Variants in ORC2 observed in about 807,000 individuals in gnomAD.
ORC2 encodes origin recognition complex subunit 2.
Under a neutral mutation model 77.7 loss-of-function variants are expected in ORC2, and 37 were observed. The observed-to-expected ratio is 0.48, with a 90% CI of 0.37 to 0.63. The LOEUF is 0.63. Ranked by LOEUF, ORC2 falls within the 20% of genes least tolerant of loss-of-function variation. ORC2 has a pLI of 0.00. For missense variants in ORC2, 557 were observed against 661.9 expected, an observed-to-expected ratio of 0.84 and a Z score of 1.74; for synonymous variants, 201 against 229.5, an observed-to-expected ratio of 0.88 and a Z score of 1.12.
At chr2:200,932,447 C>A (rs927144324) in intron 10 of ORC2, among the ~76,000 whole-genome samples, 1 of 148,408 alleles carries the variant, frequency 6.7e-6, no homozygotes, top group African/African-American at 2.5e-5. Context: ...TCAAGCGATT[C>A]TCCTGCCTCA....
chr2:200,923,688 CT>C (rs1039588970), intron 13 of ORC2, among the ~76,000 whole-genome samples: 50 of 152,224 alleles, frequency 3.3e-4, no homozygotes, highest in African/African-American at 1.2e-3. Flanking sequence ...CCTTCTTGTG[CT>C]TGGGAACACT....
intron 2 of ORC2, among the ~76,000 whole-genome samples, chr2:200,958,484 G>A (rs543087406): frequency 6.6e-6 from 1 of 152,202 alleles, no homozygotes; most frequent in African/African-American, 2.4e-5. Flanking sequence ...GAAAGGGGGT[G>A]GTTAATACAT....
intron 11 of ORC2, among the ~76,000 whole-genome samples, chr2:200,927,709 T>C (rs1575160626): frequency 2.6e-5 from 4 of 151,216 alleles, no homozygotes; most frequent in African/African-American, 9.7e-5. Context: ...ATTAACTAAT[T>C]AATAATAATT....
chr2:200,935,742 A>G lies in ORC2; in HGVS notation c.665T>C (p.Val222Ala). Residue 222 changes from valine to alanine, a missense_variant, in exon 9 of 18, where the codon GTT becomes GCT. Transcript: ENST00000234296. Reference sequence around the variant, plus strand: ...TCTCTTAGAAGGTGTTTCTTTGCCAACAGGAGCTGAAACTACTCTATTCTG... The same window carrying G: ...TCTCTTAGAAGGTGTTTCTTTGCCAGCAGGAGCTGAAACTACTCTATTCTG... ...QAQNRVVSAP[V>A]GKETPSKRMK... The G allele has an allele frequency of 6.2e-7, 1 of 1,613,432 alleles. No homozygotes were observed. The highest frequency in any genetic ancestry group is 8.5e-7 in the Non-Finnish European group (1 of 1,179,790).
chr2:200,951,553 A>C (rs1045390457), intron 4 of ORC2, among the ~76,000 whole-genome samples: 6 of 152,204 alleles, frequency 3.9e-5, no homozygotes, highest in South Asian at 2.1e-4. Flanking sequence ...GATTTTGGCT[A>C]TTCTAATAGG....
intron 6 of ORC2, 96 bp from the exon 7 acceptor site, chr2:200,941,375 G>T: frequency 1.8e-6 from 2 of 1,099,542 alleles, no homozygotes; most frequent in Non-Finnish European, 2.7e-6. Flanking sequence ...AGGCATGGTG[G>T]CTCACATCTG....
chr2:200,944,237 G>A (rs914969222), intron 5 of ORC2, among the ~76,000 whole-genome samples: 2 of 151,614 alleles, frequency 1.3e-5, no homozygotes, highest in Admixed American at 6.6e-5. Flanking sequence ...GCAGTGGTGC[G>A]ATCTCAGCTC....
chr2:200,945,711 T>A lies in ORC2; in HGVS notation c.329-2934A>T, dbSNP rs565301790. Among the ~76,000 whole-genome samples, 47 of 152,356 alleles carry A rather than the reference T, an allele frequency of 3.1e-4. 1 individual carries two copies. The South Asian group carries it at 6.8e-3, about 22-fold the overall frequency. Reference sequence around the variant, plus strand: ...GTCTAATGATAGCTTTAGATTAGTCTATTATCTGGTCCTATCTAACCAATC... The same window carrying A: ...GTCTAATGATAGCTTTAGATTAGTCAATTATCTGGTCCTATCTAACCAATC... On this transcript the variant is annotated intron_variant, in intron 5 of 17. Transcript: ENST00000234296.
At chr2:200,915,844 C>A (rs1453650336) in intron 15 of ORC2, among the ~76,000 whole-genome samples, 1 of 152,042 alleles carries the variant, frequency 6.6e-6, no homozygotes, top group Non-Finnish European at 1.5e-5. Context: ...CAGGTGGACA[C>A]CACCACGCCC....
chr2:200,946,745 C>G (rs1043551300), intron 5 of ORC2, among the ~76,000 whole-genome samples: 1 of 152,108 alleles, frequency 6.6e-6, no homozygotes, highest in African/African-American at 2.4e-5. Flanking sequence ...AATAATTCTC[C>G]TCTTTCTCCA....
chr2:200,921,334 T>C, intron 13 of ORC2, 195 bp from the exon 14 acceptor site: 1 of 317,760 alleles, frequency 3.1e-6, no homozygotes, highest in South Asian at 1.1e-4. Context: ...ATTGTTTTTT[T>C]GGTAGAGACG....
At position 200,922,748 on chromosome 2, in the gene ORC2, C is replaced by G. The variant is rs16835755; in HGVS notation, c.1148-1609G>C. Among the ~76,000 whole-genome samples the G allele has an allele frequency of 5.7e-4, 87 of 152,176 alleles. 1 individual carries two copies. The highest frequency in any genetic ancestry group is 9.0e-4 in the Non-Finnish European group (61 of 67,994). On this transcript the variant is annotated intron_variant, in intron 13 of 17. Coordinates refer to ENST00000234296, the MANE Select transcript of ORC2 (RefSeq NM_006190.5). The stretch of plus-strand genomic sequence containing the variant: ...AACCAAACGTATGTATACACACAGA[C>G]GCACACAAATATAAAGTGACTTAGG...
chr2:200,911,066 G>T lies in ORC2; in HGVS notation c.*235C>A. 2.5e-6 allele frequency: 1 copy of T among 394,108 alleles called. No individual in the cohort carries two copies. Among genetic ancestry groups the T allele is most frequent in the Admixed American group, 3.8e-5 (1 of 26,488 alleles). 24.4% of individuals were successfully genotyped at this position (394,108 alleles called of 1,614,324 possible). A position where few individuals can be genotyped will look rare whatever the true frequency, so the allele number is the denominator to read the frequency against. ...TTCATTCCAGCAAGAAGTCTCCAGA[G>T]AGGTAATGAATGAAAGGCACATTTT... is the stretch of plus-strand genomic sequence containing the variant. On this transcript the variant is annotated 3_prime_UTR_variant, in exon 18 of 18. Coordinates refer to ENST00000234296, the MANE Select transcript of ORC2 (RefSeq NM_006190.5).
chr2:200,959,927 T>C (rs1441593311), intron 1 of ORC2, among the ~76,000 whole-genome samples: 3 of 151,656 alleles, frequency 2.0e-5, no homozygotes, highest in African/African-American at 7.3e-5. Flanking sequence ...CTGGGCGTAG[T>C]GGCATGTGCC....
chr2:200,957,113 G>A, intron 4 of ORC2, among the ~76,000 whole-genome samples: 1 of 152,144 alleles, frequency 6.6e-6, no homozygotes, highest in Non-Finnish European at 1.5e-5. Flanking sequence ...CATGGCACAT[G>A]TATACCTATG....
At chr2:200,942,180 C>T (rs535195352) in intron 6 of ORC2, among the ~76,000 whole-genome samples, 5 of 152,020 alleles carry the variant, frequency 3.3e-5, no homozygotes, top group Admixed American at 1.3e-4. Flanking sequence ...GGCAACATAG[C>T]GAGACCCTGT....
intron 10 of ORC2, among the ~76,000 whole-genome samples, chr2:200,932,287 A>G (rs1232891619): frequency 6.7e-6 from 1 of 150,188 alleles, no homozygotes; most frequent in African/African-American, 2.4e-5. Context: ...TTCACACTTG[A>G]GTGTGAACAC....
intron 16 of ORC2, 45 bp from the exon 17 acceptor site, chr2:200,913,458 A>G (rs2040586149): frequency 6.5e-7 from 1 of 1,531,638 alleles, no homozygotes; most frequent in Non-Finnish European, 8.8e-7. Flanking sequence ...CACTTAAGAC[A>G]TGACCCAATA....
intron 13 of ORC2, chr2:200,921,382 T>G: frequency 4.1e-6 from 1 of 244,376 alleles, no homozygotes; most frequent in Non-Finnish European, 7.8e-6. Context: ...CTTGAACTCC[T>G]GGACTCAACT....
Sources: gnomAD v4.1 joint callset for allele counts (sites outside exome capture counted in the v4.1 genomes callset) on GRCh38, gnomAD v4.1.1 for gene constraint, MANE v1.5 for transcripts, NCBI Gene and HGNC (gene_info 2026-07-23, HGNC 2026-07-21) for gene names.